The following USP37 variants were observed in gnomAD, a reference collection of about 807,000 sequenced individuals.
USP37 encodes ubiquitin carboxyl-terminal hydrolase 37.
In USP37, 27 loss-of-function variants were observed where a neutral mutation model predicts 124.0. The ratio of observed to expected loss-of-function variants is 0.22; its 90% CI spans 0.16 to 0.30. The LOEUF (loss-of-function observed/expected upper bound fraction) is 0.30, where lower values mean the gene tolerates loss of function less well. USP37 is among the 10% of genes least tolerant of loss of function. The pLI is 1.00. For synonymous variants in USP37, 365 were observed against 388.0 expected (o/e 0.94, Z 0.70); for missense variants, 889 against 1,140.4 (o/e 0.78, Z 3.17).
At chr2:218,545,471 T>C (rs1692271434) in intron 8 of USP37, among the ~76,000 whole-genome samples, 1 of 152,162 alleles carries the variant, frequency 6.6e-6, no homozygotes, top group South Asian at 2.1e-4. Flanking sequence ...TGATTATAGT[T>C]TCAGATACCA....
rs1333043425 is a variant in USP37, at chr2:218,510,140, C to A, written c.864G>T (p.Arg288Ser). 6.2e-7 allele frequency: 1 copy of A among 1,602,396 alleles called. No homozygotes were observed. The highest frequency in any genetic ancestry group is 8.5e-7 in the Non-Finnish European group (1 of 1,177,110). ...EHSSGGTNLD[R>S]TNVSSQTPSA... ...AGGGAGTCTGGCTTGAAACATTAGTCCTACAAAAAAGCATAAATAATGAAG... is the reference window on the plus strand; with the variant it reads ...AGGGAGTCTGGCTTGAAACATTAGTACTACAAAAAAGCATAAATAATGAAG... Residue 288 changes from arginine to serine, a missense_variant and splice_region_variant, in exon 11 of 26, where the codon AGG becomes AGT. Coordinates refer to ENST00000258399, the MANE Select transcript of USP37 (RefSeq NM_020935.3).
At chr2:218,481,173 C>T (rs1199357861) in intron 17 of USP37, among the ~76,000 whole-genome samples, 1 of 152,052 alleles carries the variant, frequency 6.6e-6, no homozygotes, top group Non-Finnish European at 1.5e-5. Context: ...CAAAGAAGTC[C>T]GAAGGTTTTC....
intron 19 of USP37, among the ~76,000 whole-genome samples, chr2:218,476,105 T>A (rs1690959894): frequency 6.6e-6 from 1 of 151,168 alleles, no homozygotes; most frequent in South Asian, 2.1e-4. Flanking sequence ...AGGCTTAAAA[T>A]AAAATACAGT....
At chr2:218,522,964 C>G (rs1349270621) in intron 10 of USP37, among the ~76,000 whole-genome samples, 1 of 152,094 alleles carries the variant, frequency 6.6e-6, no homozygotes, top group Non-Finnish European at 1.5e-5. Flanking sequence ...CATGGTGAAA[C>G]CCCCTTTCTA....
intron 11 of USP37, among the ~76,000 whole-genome samples, chr2:218,503,498 C>T (rs1485549031): frequency 1.3e-5 from 2 of 152,150 alleles, no homozygotes; most frequent in African/African-American, 2.4e-5. Context: ...GGCAGATCAC[C>T]TGAGGTCAGG....
In USP37 at chr2:218,481,543, C is replaced by A. The variant is rs558385369; in HGVS notation, c.1835+527G>T. ...ACCAAGAGCACTTCCTAAAAAAGCA[C>A]CTCACTATGAAAAGCAACTAATAAC... is the stretch of plus-strand genomic sequence containing the variant. On this transcript the variant is annotated intron_variant, in intron 17 of 25. Transcript: ENST00000258399. Among the ~76,000 whole-genome samples the A allele has an allele frequency of 2.6e-5, 4 of 152,238 alleles. No individual in the cohort carries two copies. In the East Asian group the frequency reaches 7.7e-4, roughly 29 times the overall value.
intron 4 of USP37, among the ~76,000 whole-genome samples, chr2:218,555,293 T>A (rs1417809937): frequency 6.6e-6 from 1 of 152,156 alleles, no homozygotes; most frequent in Non-Finnish European, 1.5e-5. Flanking sequence ...CTTCAGAATT[T>A]TTTTTAAACT....
Position 218,482,363 on chromosome 2 carries a change from G to A in USP37, c.1671-129C>T, listed in dbSNP as rs192322821. 6,353 of 974,640 alleles carry A rather than the reference G, an allele frequency of 6.5e-3. 25 individuals are homozygous for A. Among genetic ancestry groups the A allele is most frequent in the Non-Finnish European group, 7.3e-3 (5,104 of 701,796 alleles). The allele number at this position is 974,640 out of a possible 1,614,324, so 60.4% of individuals were successfully genotyped here. A position where few individuals can be genotyped will look rare whatever the true frequency, so the allele number is the denominator to read the frequency against. ...ATCCATTTGGCCAAACCAAAGACAC[G>A]TCAAAGAATATTTACTGAATACCTG... On this transcript the variant is annotated intron_variant, in intron 16 of 25. Transcript: ENST00000258399.
At chr2:218,565,235 T>A (rs944837622) in intron 1 of USP37, among the ~76,000 whole-genome samples, 3 of 152,234 alleles carry the variant, frequency 2.0e-5, no homozygotes, top group African/African-American at 4.8e-5. Context: ...ATATTAATAT[T>A]TTCTTTGTCA....
At chr2:218,484,178 C>T (rs1233644307) in intron 16 of USP37, among the ~76,000 whole-genome samples, 1 of 151,984 alleles carries the variant, frequency 6.6e-6, no homozygotes, top group African/African-American at 2.4e-5. Flanking sequence ...AAAAACACAA[C>T]ATTTTTTGTA....
At chr2:218,508,817 A>G (rs1423900617) in intron 11 of USP37, among the ~76,000 whole-genome samples, 1 of 152,216 alleles carries the variant, frequency 6.6e-6, no homozygotes, top group East Asian at 1.9e-4. Flanking sequence ...GTTTTCTGCC[A>G]ATATATGAAG....
chr2:218,472,235 AT>A (rs1690736021), intron 20 of USP37, among the ~76,000 whole-genome samples: 1 of 152,098 alleles, frequency 6.6e-6, no homozygotes, highest in Admixed American at 6.6e-5. Flanking sequence ...TTGGCACAGA[AT>A]CAATTCAATC....
At chr2:218,517,197 T>C (rs1055649334) in intron 10 of USP37, among the ~76,000 whole-genome samples, 3 of 152,238 alleles carry the variant, frequency 2.0e-5, no homozygotes, top group African/African-American at 7.2e-5. Flanking sequence ...ACAATTTAAC[T>C]CCATTTAATT....
chr2:218,480,870 A>G (rs1691237530), intron 17 of USP37, among the ~76,000 whole-genome samples: 1 of 152,248 alleles, frequency 6.6e-6, no homozygotes, highest in Admixed American at 6.5e-5. Context: ...GTGAGAGGAA[A>G]AAACCAGAAA....
At chr2:218,508,935 A>G (rs1689830362) in intron 11 of USP37, among the ~76,000 whole-genome samples, 1 of 152,232 alleles carries the variant, frequency 6.6e-6, no homozygotes, top group African/African-American at 2.4e-5. Context: ...TTAAAAACAA[A>G]TAAGTTAATA....
At chr2:218,457,539 T>G (rs1307955458) in intron 23 of USP37, among the ~76,000 whole-genome samples, 2 of 152,142 alleles carry the variant, frequency 1.3e-5, no homozygotes, top group Non-Finnish European at 2.9e-5. Context: ...CCCATATGAA[T>G]GCACATAGTA....
At chr2:218,519,646 T>C (rs1319571893) in intron 10 of USP37, among the ~76,000 whole-genome samples, 2 of 152,102 alleles carry the variant, frequency 1.3e-5, no homozygotes, top group Non-Finnish European at 2.9e-5. Context: ...TTTTTTGTTT[T>C]TTTTTTCTGA....
At chr2:218,511,465 C>G (rs950421351) in intron 10 of USP37, among the ~76,000 whole-genome samples, 1 of 152,182 alleles carries the variant, frequency 6.6e-6, no homozygotes, top group African/African-American at 2.4e-5. Flanking sequence ...TGCGCCACCA[C>G]ACCTGGCTTA....
intron 10 of USP37, chr2:218,528,794 A>C (rs1356975276): frequency 3.2e-6 from 1 of 310,688 alleles, no homozygotes. Context: ...ATTTATACCC[A>C]ATAAATCTGA....
Sources: allele counts gnomAD v4.1 joint callset (sites outside exome capture counted in the v4.1 genomes callset), GRCh38; gene constraint gnomAD v4.1.1; transcripts MANE v1.5; gene names NCBI Gene and HGNC (gene_info 2026-07-23, HGNC 2026-07-21).